The following MAGI1 variants were observed in gnomAD, a reference collection of about 807,000 sequenced individuals.
MAGI1 encodes the protein membrane-associated guanylate kinase, WW and PDZ domain-containing protein 1.
Under a neutral mutation model 139.9 loss-of-function variants are expected in MAGI1, and 58 were observed. The observed-to-expected ratio is 0.41, with a 90% CI of 0.34 to 0.52. The LOEUF (loss-of-function observed/expected upper bound fraction) is 0.52, where lower values mean the gene tolerates loss of function less well. Ranked by LOEUF, MAGI1 falls within the 20% of genes least tolerant of loss-of-function variation. The pLI is 0.12. For missense variants in MAGI1, 1,874 were observed against 1,901.6 expected, an observed-to-expected ratio of 0.99 and a Z score of 0.27; for synonymous variants, 812 against 737.9, an observed-to-expected ratio of 1.10 and a Z score of -1.63.
At chr3:65,382,860 T>C (rs1171404710) in intron 15 of MAGI1, among the ~76,000 whole-genome samples, 1 of 152,156 alleles carries the variant, frequency 6.6e-6, no homozygotes. Flanking sequence ...TGAGAGAATG[T>C]ATGTTAAGAG....
At chr3:65,401,984 T>G in intron 12 of MAGI1, 1 of 779,852 alleles carries the variant, frequency 1.3e-6, no homozygotes, top group Non-Finnish European at 1.6e-6. Context: ...GAAGAGGAAA[T>G]GCTTTCTTTA....
chr3:66,000,121 C>G (rs1453102106), intron 1 of MAGI1, among the ~76,000 whole-genome samples: 1 of 151,818 alleles, frequency 6.6e-6, no homozygotes, highest in Non-Finnish European at 1.5e-5. Flanking sequence ...TACAGGCGCC[C>G]GCTACCATGC....
At chr3:65,382,149 A>G (rs1943101348) in intron 15 of MAGI1, 80 bp from the exon 16 acceptor site, 1 of 1,201,420 alleles carries the variant, frequency 8.3e-7, no homozygotes, top group Non-Finnish European at 1.2e-6. Flanking sequence ...ATCTCTGGGA[A>G]CAATTCATTC....
intron 1 of MAGI1, among the ~76,000 whole-genome samples, chr3:65,991,888 A>C (rs2066198830): frequency 6.6e-6 from 1 of 151,988 alleles, no homozygotes; most frequent in South Asian, 2.1e-4. Context: ...GACAGCAGGC[A>C]CCTGTAATGC....
chr3:65,624,548 T>C (rs2083862891), intron 1 of MAGI1, among the ~76,000 whole-genome samples: 1 of 152,208 alleles, frequency 6.6e-6, no homozygotes, highest in South Asian at 2.1e-4. Flanking sequence ...ATTTCATTCA[T>C]ATAGAAAGTT....
At chr3:65,962,046 C>A (rs1436089687) in intron 1 of MAGI1, among the ~76,000 whole-genome samples, 2 of 151,968 alleles carry the variant, frequency 1.3e-5, no homozygotes, top group Non-Finnish European at 2.9e-5. Context: ...CTCCTCCTAT[C>A]CGTCATATCA....
intron 1 of MAGI1, among the ~76,000 whole-genome samples, chr3:65,839,202 G>A (rs1037317466): frequency 1.3e-5 from 2 of 152,042 alleles, no homozygotes; most frequent in Non-Finnish European, 2.9e-5. Flanking sequence ...ATTGCCTAGT[G>A]ATACTGTAGC....
intron 2 of MAGI1, among the ~76,000 whole-genome samples, chr3:65,607,643 C>G (rs2082814148): frequency 6.6e-6 from 1 of 152,194 alleles, no homozygotes; most frequent in South Asian, 2.1e-4. Flanking sequence ...CTCCCTACTA[C>G]TACCCTGGAC....
chr3:65,987,897 T>C (rs911452523), intron 1 of MAGI1, among the ~76,000 whole-genome samples: 2 of 152,226 alleles, frequency 1.3e-5, no homozygotes, highest in African/African-American at 4.8e-5. Context: ...AAAATTAGTG[T>C]GGTAAAGTCC....
chr3:65,417,509 T>C (rs1946313817), intron 12 of MAGI1, among the ~76,000 whole-genome samples: 1 of 124,776 alleles, frequency 8.0e-6, no homozygotes, highest in African/African-American at 2.7e-5. Context: ...TCTGATGATA[T>C]ATGGTTTCTT....
Position 65,401,433 on chromosome 3 carries a change from C to T in MAGI1, c.2199+6G>A, listed in dbSNP as rs769138118. 9 of 1,455,126 alleles carry T rather than the reference C, an allele frequency of 6.2e-6. No homozygotes were observed. The highest frequency in any genetic ancestry group is 8.3e-6 in the Non-Finnish European group (9 of 1,080,936). The allele number at this position is 1,455,126 out of a possible 1,614,324, so 90.1% of individuals were successfully genotyped here. A position where few individuals can be genotyped will look rare whatever the true frequency, so the allele number is the denominator to read the frequency against. The stretch of plus-strand genomic sequence containing the variant: ...AACAAGCACCAAGTAACTGACAAGT[C>T]CTTACCGACTTTGGGCTCTTCTTGG... On this transcript the variant is annotated splice_donor_region_variant and intron_variant, in intron 13 of 22. Coordinates refer to ENST00000402939, the MANE Select transcript of MAGI1 (RefSeq NM_001033057.2).
chr3:65,434,993 C>G (rs1459148583), intron 10 of MAGI1, among the ~76,000 whole-genome samples: 1 of 152,168 alleles, frequency 6.6e-6, no homozygotes, highest in Admixed American at 6.5e-5. Context: ...AGAACTAGTA[C>G]TTTCTCTCTC....
chr3:65,507,443 C>A (rs1361874330), intron 2 of MAGI1, among the ~76,000 whole-genome samples: 1 of 152,194 alleles, frequency 6.6e-6, no homozygotes, highest in Admixed American at 6.5e-5. Flanking sequence ...TGAGACAACA[C>A]ATGTGTTAGC....
At chr3:65,364,513 C>T in intron 20 of MAGI1, 152 bp downstream of exon 20, 1 of 667,034 alleles carries the variant, frequency 1.5e-6, no homozygotes, top group Non-Finnish European at 2.6e-6. Context: ...ATTTCCTAGA[C>T]AATCAAATGT....
chr3:65,989,511 T>C (rs73125716), intron 1 of MAGI1, among the ~76,000 whole-genome samples: 1,662 of 152,270 alleles, frequency 0.011, 14 homozygotes, highest in Non-Finnish European at 0.017. Flanking sequence ...TGAGATGAAT[T>C]TGTAATACCA....
intron 1 of MAGI1, among the ~76,000 whole-genome samples, chr3:65,872,444 C>A (rs2108492929): frequency 6.6e-6 from 1 of 152,322 alleles, no homozygotes; most frequent in African/African-American, 2.4e-5. Flanking sequence ...ATTTCTCTTT[C>A]TCTTTCCTGT....
chr3:65,994,382 A>G (rs1012307675), intron 1 of MAGI1, among the ~76,000 whole-genome samples: 1 of 152,026 alleles, frequency 6.6e-6, no homozygotes, highest in Admixed American at 6.6e-5. Context: ...TGCCCTTTTC[A>G]AAATACTTTC....
chr3:65,613,557 G>GT (rs2083225143), intron 2 of MAGI1, among the ~76,000 whole-genome samples: 1 of 152,054 alleles, frequency 6.6e-6, no homozygotes, highest in Admixed American at 6.6e-5. Flanking sequence ...GAGCTTTTAC[G>GT]TTTGTAATTT....
chr3:65,549,345 T>C (rs1015119052), intron 2 of MAGI1: 1 of 832,336 alleles, frequency 1.2e-6, no homozygotes, highest in Non-Finnish European at 1.4e-6. Flanking sequence ...CTTCCTCCCT[T>C]CCTAACCCCC....
Sources: allele counts gnomAD v4.1 joint callset (sites outside exome capture counted in the v4.1 genomes callset), GRCh38; gene constraint gnomAD v4.1.1; transcripts MANE v1.5; gene names NCBI Gene and HGNC (gene_info 2026-07-23, HGNC 2026-07-21).